COL28A1: variants seen among roughly 807,000 people sequenced by gnomAD.
COL28A1 encodes collagen type XXVIII alpha 1 chain.
COL28A1 carries 161 observed loss-of-function variants against 150.2 expected under a neutral mutation model. That is an observed-to-expected ratio of 1.07 (90% CI 0.94 to 1.22). The LOEUF (loss-of-function observed/expected upper bound fraction) is 1.22, where lower values mean the gene tolerates loss of function less well. COL28A1 is among the 50% of genes most tolerant of loss of function. The pLI, the probability that COL28A1 is intolerant of heterozygous loss-of-function variation, is 0.00. For synonymous variants in COL28A1, 552 were observed against 469.7 expected (o/e 1.18, Z -2.26); for missense variants, 1,617 against 1,388.3 (o/e 1.16, Z -2.62).
At chr7:7,441,437 A>G (rs1270953373) in intron 20 of COL28A1, among the ~76,000 whole-genome samples, 1 of 151,986 alleles carries the variant, frequency 6.6e-6, no homozygotes, top group African/African-American at 2.4e-5. Flanking sequence ...TGCTCTCCCA[A>G]AAGAATTCCT....
At chr7:7,428,000 T>G (rs919080468) in intron 25 of COL28A1, among the ~76,000 whole-genome samples, 3 of 152,216 alleles carry the variant, frequency 2.0e-5, no homozygotes, top group Admixed American at 6.5e-5. Flanking sequence ...ACAAATGTAG[T>G]ATCAAAAATG....
intron 2 of COL28A1, 88 bp from the exon 3 acceptor site, chr7:7,531,992 A>G: frequency 1.3e-6 from 1 of 758,240 alleles, no homozygotes; most frequent in Non-Finnish European, 2.2e-6. Context: ...GGTGTGTTGT[A>G]TATTGTTTGG....
intron 8 of COL28A1, among the ~76,000 whole-genome samples, chr7:7,512,186 G>A (rs923196481): frequency 2.0e-5 from 3 of 152,162 alleles, no homozygotes; most frequent in Admixed American, 6.5e-5. Context: ...GAAGCACAGA[G>A]TAGAAGGGTG....
At chr7:7,352,239 A>C (rs1780245667), downstream of COL28A1, among the ~76,000 whole-genome samples, 1 of 152,130 alleles carries the variant, frequency 6.6e-6, no homozygotes, top group African/African-American at 2.4e-5. Flanking sequence ...AGTTCTTCTT[A>C]AATGTAAGGA....
chr7:7,428,958 C>T (rs1419773736), intron 25 of COL28A1, among the ~76,000 whole-genome samples: 2 of 152,144 alleles, frequency 1.3e-5, no homozygotes, highest in Non-Finnish European at 2.9e-5. Context: ...CACAAGGGTG[C>T]TAGATGTCAG....
downstream of COL28A1, chr7:7,356,201 C>A (rs1780349516): frequency 6.6e-6 from 1 of 151,960 alleles, no homozygotes; most frequent in African/African-American, 2.4e-5. Context: ...CCATTGACAC[C>A]ATTTTTGTAA....
rs1288519051 is a variant in COL28A1 at position 7,436,386 on chromosome 7, A to T, written c.1860+9T>A. The T allele has an allele frequency of 8.0e-7, 1 of 1,244,976 alleles. No homozygotes were observed. 77.1% of individuals were successfully genotyped at this position (1,244,976 alleles called of 1,614,324 possible). ...ACAGAAAAACAAAAAGAACATGAAT[A>T]AAGCATACCTTTGGTCCTCGAATAG... On this transcript the variant is annotated intron_variant, in intron 23 of 34. Coordinates refer to ENST00000399429, the MANE Select transcript of COL28A1 (RefSeq NM_001037763.3).
intron 27 of COL28A1, among the ~76,000 whole-genome samples, chr7:7,407,658 T>C (rs1783560684): frequency 1.3e-5 from 2 of 152,024 alleles, no homozygotes; most frequent in Admixed American, 6.6e-5. Flanking sequence ...AAAATTGCTC[T>C]AGTAGACTTT....
chr7:7,444,219 T>C (rs1324109741), intron 19 of COL28A1, among the ~76,000 whole-genome samples, 199 bp downstream of exon 19: 1 of 152,064 alleles, frequency 6.6e-6, no homozygotes, highest in Non-Finnish European at 1.5e-5. Context: ...AGGCAGAGGA[T>C]GTGAGACACT....
At chr7:7,399,688 G>A (rs961500807) in intron 27 of COL28A1, among the ~76,000 whole-genome samples, 3 of 152,172 alleles carry the variant, frequency 2.0e-5, no homozygotes, top group Admixed American at 6.5e-5. Flanking sequence ...CCAAGAATTC[G>A]TTATGTGGGT....
intron 15 of COL28A1, among the ~76,000 whole-genome samples, chr7:7,456,702 C>T (rs1583418601): frequency 6.6e-6 from 1 of 152,084 alleles, no homozygotes; most frequent in East Asian, 1.9e-4. Context: ...TTGTTGAGTG[C>T]CCATTATAAG....
intron 27 of COL28A1, among the ~76,000 whole-genome samples, chr7:7,388,137 T>C (rs1302767331): frequency 3.3e-5 from 5 of 152,040 alleles, no homozygotes; most frequent in Admixed American, 3.3e-4. Context: ...ACGTTAGACA[T>C]TTCTCCTAAT....
intron 10 of COL28A1, 72 bp downstream of exon 10, chr7:7,507,045 G>C: frequency 1.3e-6 from 1 of 794,226 alleles, no homozygotes; most frequent in South Asian, 1.5e-5. Context: ...GGGTGCAAGT[G>C]GGCAAGGGGA....
chr7:7,499,757 C>A (rs1780420811), intron 11 of COL28A1, among the ~76,000 whole-genome samples: 1 of 152,166 alleles, frequency 6.6e-6, no homozygotes, highest in African/African-American at 2.4e-5. Context: ...TGAACTACTT[C>A]CAACCCATAA....
At chr7:7,489,321 C>G in intron 13 of COL28A1, 68 bp downstream of exon 13, 1 of 853,064 alleles carries the variant, frequency 1.2e-6, no homozygotes. Context: ...ACCATTTATC[C>G]TAAACAGAAA....
chr7:7,395,464 T>C (rs1464239909), intron 27 of COL28A1, among the ~76,000 whole-genome samples: 1 of 152,202 alleles, frequency 6.6e-6, no homozygotes, highest in African/African-American at 2.4e-5. Context: ...AAACGAAAAA[T>C]GGCTAACTAA....
intron 11 of COL28A1, among the ~76,000 whole-genome samples, chr7:7,503,684 GA>G (rs1780654267): frequency 6.6e-6 from 1 of 151,964 alleles, no homozygotes; most frequent in Admixed American, 6.6e-5. Context: ...TGTATAAAAT[GA>G]AAAAAATAGC....
intron 25 of COL28A1, among the ~76,000 whole-genome samples, chr7:7,432,238 G>A (rs1352645484): frequency 6.6e-6 from 1 of 152,168 alleles, no homozygotes; most frequent in African/African-American, 2.4e-5. Context: ...GGTATAAGAA[G>A]AGGAAGCAGC....
chr7:7,529,599 T>C (rs1367490219), intron 3 of COL28A1, among the ~76,000 whole-genome samples: 1 of 152,174 alleles, frequency 6.6e-6, no homozygotes, highest in African/African-American at 2.4e-5. Context: ...CAAGAGCCTG[T>C]GTTCTCAGTG....
Sources: gnomAD v4.1 joint callset for allele counts (sites outside exome capture counted in the v4.1 genomes callset) on GRCh38, gnomAD v4.1.1 for gene constraint, MANE v1.5 for transcripts, NCBI Gene and HGNC (gene_info 2026-07-23, HGNC 2026-07-21) for gene names.